Variants in BRSK1 observed in about 807,000 individuals in gnomAD.
BRSK1 encodes the protein serine/threonine-protein kinase BRSK1.
A neutral mutation model predicts 86.2 loss-of-function variants in BRSK1; 17 were observed. The observed-to-expected ratio is 0.20, with a 90% CI of 0.14 to 0.30. The LOEUF (loss-of-function observed/expected upper bound fraction) is 0.30. Ranked by LOEUF, BRSK1 falls within the 10% of genes least tolerant of loss-of-function variation. The pLI, the probability that BRSK1 is intolerant of heterozygous loss-of-function variation, is 1.00. For missense variants in BRSK1, 719 were observed against 1,071.9 expected, an observed-to-expected ratio of 0.67 and a Z score of 4.60; for synonymous variants, 464 against 440.1, an observed-to-expected ratio of 1.05 and a Z score of -0.68.
At position 55,310,690 on chromosome 19, in the gene BRSK1, G is replaced by A. The variant is rs559311623; in HGVS notation, c.2180-1221G>A. ...TACAATTCACAGAACAGCCCCCCAC[G>A]ACAGCTGGGTCCCAAATGGCAGTCG... On this transcript the variant is annotated intron_variant, in intron 18 of 18. Coordinates refer to ENST00000309383, the MANE Select transcript of BRSK1 (RefSeq NM_032430.2). This position sits in a 1 kb window ranked among gnomAD's most constrained non-coding sequence, Gnocchi z 5.0. Among the ~76,000 whole-genome samples the A allele has an allele frequency of 3.9e-5, 6 of 152,256 alleles. No individual in the cohort carries two copies. The East Asian group carries it at 5.8e-4, about 15-fold the overall frequency.
At chr19:55,295,658 T>G (rs1276606262) in intron 7 of BRSK1, among the ~76,000 whole-genome samples, 1 of 152,124 alleles carries the variant, frequency 6.6e-6, no homozygotes, top group Non-Finnish European at 1.5e-5. Flanking sequence ...TCTAGGGCAT[T>G]GTGATACTGT....
chr19:55,303,693 C>T lies in BRSK1; in HGVS notation c.1153C>T (p.Pro385Ser). 1 of 1,611,608 alleles carries T rather than the reference C, an allele frequency of 6.2e-7. No homozygotes were observed. Among genetic ancestry groups the T allele is most frequent in the Non-Finnish European group, 8.5e-7 (1 of 1,178,968 alleles). Residue 385 changes from proline (P) to serine (S), a missense_variant, in exon 12 of 19, where the codon CCC becomes TCC. Coordinates refer to ENST00000309383, the MANE Select transcript of BRSK1 (RefSeq NM_032430.2). The surrounding 1 kb of genome is among the most constrained non-coding windows in gnomAD (Gnocchi z 5.1). ...VDPPRKRVDS[P>S]MLSRHGKRRP... ...CCCCCCCCGGAAGCGTGTGGATTCT[C>T]CCATGCTGAGCCGTCACGGGAAGCG...
rs191768524 is a variant in BRSK1, at chr19:55,311,572, C to A, written c.2180-339C>A. ...CTGTGAACGTTGAGCACCGTCCTGG[C>A]AGGCTGTTTCCTAGCGAACAGTATC... is the stretch of plus-strand genomic sequence containing the variant. On this transcript the variant is annotated intron_variant, in intron 18 of 18. Transcript: ENST00000309383. 1.8e-3 allele frequency among the ~76,000 whole-genome samples: 275 copies of A among 152,304 alleles called. 1 individual carries two copies. The highest frequency in any genetic ancestry group is 6.8e-3 in the Middle Eastern group (2 of 292).
In BRSK1 at chr19:55,284,170, G is replaced by T. The variant is rs2122917681; in HGVS notation, c.-273G>T. The T allele has an allele frequency of 2.0e-6, 2 of 1,012,208 alleles. No homozygotes were observed. The highest frequency in any genetic ancestry group is 4.9e-5 in the South Asian group (1 of 20,306). 62.7% of individuals were successfully genotyped at this position (1,012,208 alleles called of 1,614,324 possible). The stretch of plus-strand genomic sequence containing the variant: ...CGGGGGGAGGCGCAGGAAGCGGGGG[G>T]CCGGCCAGAAACGGGCTGGGGAGGG... On this transcript the variant is annotated 5_prime_UTR_variant, in exon 1 of 19. Coordinates refer to ENST00000309383, the MANE Select transcript of BRSK1 (RefSeq NM_032430.2).
Position 55,306,334 on chromosome 19 carries a change from A to G in BRSK1, c.1973A>G (p.Gln658Arg). ...YKASGGPSVF[Q>R]KPVRFQVDIS... The stretch of plus-strand genomic sequence containing the variant: ...GCCAGTGGCGGCCCCTCCGTCTTCC[A>G]AAAGCCCGTCCGCTTCCAGGTGGAC... Residue 658 changes from glutamine (Q) to arginine (R), a missense_variant, in exon 17 of 19, where the codon CAA becomes CGA. Gln to Arg is a conservative substitution (Grantham distance 43). This residue lies in a region of BRSK1 where 180 missense variants were observed against 259.4 expected (regional missense o/e 0.69). Transcript: ENST00000309383. This position sits in a 1 kb window ranked among gnomAD's most constrained non-coding sequence, Gnocchi z 4.7. 6.2e-7 allele frequency: 1 copy of G among 1,614,110 alleles called. No individual in the cohort carries two copies. The highest frequency in any genetic ancestry group is 8.5e-7 in the Non-Finnish European group (1 of 1,180,046).
Position 55,284,402 on chromosome 19 carries a change from G to C in BRSK1, c.-41G>C, listed in dbSNP as rs2088277340. ...GAGAGACGGGGCGACGGCCGCAGGG[G>C]GGGCGGCCGGGGGACCGGTCGGGCC... On this transcript the variant is annotated 5_prime_UTR_variant, in exon 1 of 19. Transcript: ENST00000309383. 9.0e-7 allele frequency: 1 copy of C among 1,114,048 alleles called. No individual in the cohort carries two copies. Among genetic ancestry groups the C allele is most frequent in the Non-Finnish European group, 1.2e-6 (1 of 866,436 alleles). The allele number at this position is 1,114,048 out of a possible 1,614,324, so 69.0% of individuals were successfully genotyped here. A position where few individuals can be genotyped will look rare whatever the true frequency, so the allele number is the denominator to read the frequency against.
chr19:55,302,962 C>A lies in BRSK1; in HGVS notation c.1028+95C>A. ...CAGAGTGCTGGGCGAGGAACCCTGG[C>A]CTCTCATGGGGCATGGTTTGAAGCT... On this transcript the variant is annotated intron_variant, in intron 10 of 18. Coordinates refer to ENST00000309383, the MANE Select transcript of BRSK1 (RefSeq NM_032430.2). The surrounding 1 kb of genome is among the most constrained non-coding windows in gnomAD (Gnocchi z 6.3). The A allele has an allele frequency of 6.7e-7, 1 of 1,482,930 alleles. No homozygotes were observed. 91.9% of individuals were successfully genotyped at this position (1,482,930 alleles called of 1,614,324 possible).
chr19:55,306,416 T>A lies in BRSK1; in HGVS notation c.2055T>A (p.Gly685=), dbSNP rs1197664079. ...PSPRRDGSGG[G]GIYSVTFTLI... is the part of the protein sequence containing the mutation. ...CGCGACGGGACGGCAGCGGAGGTGG[T>A]GGCATCTACTCCGTCACCTTCACTC... The change falls in exon 17 of 19, where the codon GGT becomes GGA. Residue 685 remains glycine (G), a synonymous_variant. Coordinates refer to ENST00000309383, the MANE Select transcript of BRSK1 (RefSeq NM_032430.2). This position sits in a 1 kb window ranked among gnomAD's most constrained non-coding sequence, Gnocchi z 4.7. 1 of 1,613,550 alleles carries A rather than the reference T, an allele frequency of 6.2e-7. No individual in the cohort carries two copies. Among genetic ancestry groups the A allele is most frequent in the East Asian group, 2.2e-5 (1 of 44,898 alleles).
chr19:55,295,164 C>G (rs1280430316), intron 7 of BRSK1, among the ~76,000 whole-genome samples: 1 of 151,718 alleles, frequency 6.6e-6, no homozygotes, highest in Non-Finnish European at 1.5e-5. Context: ...TCTCTGTCGC[C>G]CAGGCTGGAG....
In BRSK1 at chr19:55,304,780, C is replaced by A; in HGVS notation, c.1577C>A (p.Ala526Asp). The A allele has an allele frequency of 6.4e-7, 1 of 1,557,922 alleles. No homozygotes were observed. The highest frequency in any genetic ancestry group is 8.6e-7 in the Non-Finnish European group (1 of 1,156,164). Reference protein sequence around the residue: ...PLHSPLHTPRASPTGTPGTTP... With the variant: ...PLHSPLHTPRDSPTGTPGTTP... ...CACTCGCCTCTGCACACGCCCCGGGCCAGTCCCACCGGGACCCCGGGGACA... is the reference window on the plus strand; with the variant it reads ...CACTCGCCTCTGCACACGCCCCGGGACAGTCCCACCGGGACCCCGGGGACA... The change falls in exon 14 of 19, where the codon GCC becomes GAC. Residue 526 changes from alanine to aspartate, a missense_variant. By Grantham distance (126) the Ala-to-Asp change is moderately radical (BLOSUM62 -2). This residue lies in a region of BRSK1 where 143 missense variants were observed against 120.1 expected (regional missense o/e 1.19). Coordinates refer to ENST00000309383, the MANE Select transcript of BRSK1 (RefSeq NM_032430.2). This position sits in a 1 kb window ranked among gnomAD's most constrained non-coding sequence, Gnocchi z 5.2.
chr19:55,299,092 G>A (rs2088532600), intron 7 of BRSK1, among the ~76,000 whole-genome samples: 1 of 152,194 alleles, frequency 6.6e-6, no homozygotes, highest in South Asian at 2.1e-4. Flanking sequence ...GGAGGCGGAG[G>A]CTGCAGTGAG....
rs890036452 is a variant in BRSK1 at position 55,310,182 on chromosome 19, C to T, written c.2179+1454C>T. 1.3e-5 allele frequency among the ~76,000 whole-genome samples: 2 copies of T among 152,236 alleles called. No homozygotes were observed. The highest frequency in any genetic ancestry group is 2.9e-5 in the Non-Finnish European group (2 of 68,044). On this transcript the variant is annotated intron_variant, in intron 18 of 18. Transcript: ENST00000309383. This position sits in a 1 kb window ranked among gnomAD's most constrained non-coding sequence, Gnocchi z 5.0. Reference sequence around the variant, plus strand: ...TGGCTGAAACAACACAAGTGATTTTCGTACAGTCCTGGAGGTCAGAAGTCC... The same window carrying T: ...TGGCTGAAACAACACAAGTGATTTTTGTACAGTCCTGGAGGTCAGAAGTCC...
intron 15 of BRSK1, 37 bp from the exon 16 acceptor site, chr19:55,305,426 C>T: frequency 6.2e-7 from 1 of 1,614,194 alleles, no homozygotes; most frequent in Non-Finnish European, 8.5e-7. Context: ...CCCTCGGCGC[C>T]TTCCTAACCC....
At position 55,284,498 on chromosome 19, in the gene BRSK1, A is replaced by AACCCC; in HGVS notation, c.56_57insACCCC (p.His19GlnfsTer49). 2.5e-6 allele frequency: 1 copy of AACCCC among 403,746 alleles called. No homozygotes were observed. Among genetic ancestry groups the AACCCC allele is most frequent in the South Asian group, 4.6e-5 (1 of 21,844 alleles). The allele number at this position is 403,746 out of a possible 1,614,324, so 25.0% of individuals were successfully genotyped here. On this transcript the variant is annotated frameshift_variant, in exon 1 of 19. Coordinates refer to ENST00000309383, the MANE Select transcript of BRSK1 (RefSeq NM_032430.2). LOFTEE classifies it high-confidence loss of function. ...GGCTCTCCCGCCTACCACCTCCCCC[A>AACCCC]CCCCCACCCCCACCCACCCCAGCAC...
chr19:55,311,216 C>T (rs1455439835), intron 18 of BRSK1, among the ~76,000 whole-genome samples: 1 of 152,184 alleles, frequency 6.6e-6, no homozygotes, highest in African/African-American at 2.4e-5. Flanking sequence ...CCTGCCTCAG[C>T]CTCCCAAAAT....
rs979612093 is a variant in BRSK1, at chr19:55,310,834, G to A, written c.2180-1077G>A. Among the ~76,000 whole-genome samples the A allele has an allele frequency of 2.1e-4, 32 of 152,096 alleles. No individual in the cohort carries two copies. Among genetic ancestry groups the A allele is most frequent in the African/African-American group, 7.7e-4 (32 of 41,428 alleles). ...CCTCAGCAACCAGGGGTCTCAAAAC[G>A]GGCACACCCTGGAAGATGTAGGACT... On this transcript the variant is annotated intron_variant, in intron 18 of 18. Transcript: ENST00000309383. This position sits in a 1 kb window ranked among gnomAD's most constrained non-coding sequence, Gnocchi z 5.0.
chr19:55,289,457 T>C (rs1251755512), intron 3 of BRSK1, 23 bp from the exon 4 acceptor site: 5 of 1,604,544 alleles, frequency 3.1e-6, no homozygotes, highest in Non-Finnish European at 4.3e-6. Context: ...CTTCCAGCCC[T>C]CTGCCCCCTC....
In BRSK1 at chr19:55,302,732, C is replaced by G; in HGVS notation, c.893C>G (p.Pro298Arg). 6.2e-7 allele frequency: 1 copy of G among 1,612,728 alleles called. No individual in the cohort carries two copies. The highest frequency in any genetic ancestry group is 8.5e-7 in the Non-Finnish European group (1 of 1,179,246). Residue 298 changes from proline (P) to arginine (R), a missense_variant, in exon 10 of 19, where the codon CCA becomes CGA. Pro to Arg is a moderately radical substitution (Grantham distance 103, BLOSUM62 -2). Around this residue, in one of 6 missense-constraint regions of BRSK1, gnomAD observed 168 missense variants for 246.3 expected, o/e 0.68. Coordinates refer to ENST00000309383, the MANE Select transcript of BRSK1 (RefSeq NM_032430.2). The surrounding 1 kb of genome is among the most constrained non-coding windows in gnomAD (Gnocchi z 6.3). Reference sequence around the variant, plus strand: ...CACGAGCCAGACCCGTGCCTGGAGCCAGCCCCTGGCCGCCGGGTAGCCATG... The same window carrying G: ...CACGAGCCAGACCCGTGCCTGGAGCGAGCCCCTGGCCGCCGGGTAGCCATG... ...GKHEPDPCLE[P>R]APGRRVAMRS...
chr19:55,286,152 T>TG (rs1170666913), intron 1 of BRSK1, among the ~76,000 whole-genome samples: 1 of 13,966 alleles, frequency 7.2e-5, no homozygotes, highest in African/African-American at 3.0e-4. Context: ...AGGAAGGGGC[T>TG]GGGGGGGCTG....
Sources: allele counts gnomAD v4.1 joint callset (sites outside exome capture counted in the v4.1 genomes callset), GRCh38; gene constraint gnomAD v4.1.1; regional missense constraint gnomAD v4.1.1; non-coding constraint Gnocchi (gnomAD v3.1); transcripts MANE v1.5; gene names NCBI Gene and HGNC (gene_info 2026-07-23, HGNC 2026-07-21).